AGMO: variants seen among roughly 807,000 people sequenced by gnomAD.
The protein encoded by AGMO is glyceryl-ether monooxygenase.
In AGMO, 75 loss-of-function variants were observed where a neutral mutation model predicts 60.2. That is an observed-to-expected ratio of 1.25 (90% confidence interval 1.03 to 1.51). The LOEUF is 1.51. Ranked by LOEUF, AGMO falls within the 40% of genes most tolerant of loss-of-function variation. The pLI is 0.00. For synonymous variants in AGMO, 261 were observed against 177.1 expected, an observed-to-expected ratio of 1.47 and a Z score of -3.76; for missense variants, 763 against 525.5, an observed-to-expected ratio of 1.45 and a Z score of -4.42.
chr7:15,189,150 T>C, the AGMO span, among the ~76,000 whole-genome samples: 1 of 152,014 alleles, frequency 6.6e-6, no homozygotes, highest in African/African-American at 2.4e-5. Context: ...AGAGGGGCAT[T>C]GGGGAAAATG....
chr7:15,247,446 A>G (rs1295051448), intron 12 of AGMO, among the ~76,000 whole-genome samples: 8 of 143,828 alleles, frequency 5.6e-5, no homozygotes, highest in African/African-American at 2.1e-4. Context: ...ACACACACAC[A>G]CACACACACA....
At chr7:15,505,178 T>C (rs1232656327) in intron 3 of AGMO, among the ~76,000 whole-genome samples, 1 of 151,954 alleles carries the variant, frequency 6.6e-6, no homozygotes, top group East Asian at 1.9e-4. Context: ...GATATACGAA[T>C]AGATGGAATT....
At chr7:15,354,408 ACACGTGTGTG>A in intron 12 of AGMO, among the ~76,000 whole-genome samples, 1 of 29,462 alleles carries the variant, frequency 3.4e-5, no homozygotes, top group African/African-American at 3.7e-4. Flanking sequence ...GTGTGTGTAC[ACACGTGTGTG>A]TATACACACA....
intron 12 of AGMO, among the ~76,000 whole-genome samples, chr7:15,309,859 A>G (rs1780719279): frequency 6.6e-6 from 1 of 152,160 alleles, no homozygotes; most frequent in Non-Finnish European, 1.5e-5. Context: ...TAAATATGTT[A>G]TCTATTGGAA....
chr7:15,333,298 C>G (rs1326092406), intron 12 of AGMO, among the ~76,000 whole-genome samples: 1 of 152,030 alleles, frequency 6.6e-6, no homozygotes, highest in African/African-American at 2.4e-5. Context: ...ATGAAAAAGG[C>G]TTCGTGTGTA....
chr7:15,468,499 GTAA>G (rs1327177102), intron 3 of AGMO, among the ~76,000 whole-genome samples: 1 of 151,852 alleles, frequency 6.6e-6, no homozygotes. Flanking sequence ...TTTTAAACAT[GTAA>G]TAATTATACA....
At chr7:15,179,475 C>T in the AGMO span, among the ~76,000 whole-genome samples, 2 of 152,122 alleles carry the variant, frequency 1.3e-5, no homozygotes, top group East Asian at 1.9e-4. Context: ...AAACCTAAAA[C>T]GGAAAGCAAT....
At chr7:15,248,222 A>ATATATATATATATATATCTATCTATC (rs1554401294) in intron 12 of AGMO, among the ~76,000 whole-genome samples, 1 of 104,210 alleles carries the variant, frequency 9.6e-6, no homozygotes, top group African/African-American at 3.6e-5. Flanking sequence ...ATATATATAT[A>ATATATATATATATATATCTATCTATC]TATCTTCATC....
At chr7:15,418,516 C>T in intron 5 of AGMO, 42 bp downstream of exon 5, 2 of 1,239,712 alleles carry the variant, frequency 1.6e-6, no homozygotes, top group Admixed American at 2.0e-5. Context: ...TTGCTTCAGG[C>T]TGTTTAGGTA....
intron 4 of AGMO, 94 bp downstream of exon 4, chr7:15,430,911 T>G: frequency 3.4e-6 from 2 of 588,568 alleles, no homozygotes; most frequent in Non-Finnish European, 5.3e-6. Context: ...TAAAACACCT[T>G]CTATTAGTTT....
At chr7:15,292,535 CA>C (rs1370735022) in intron 12 of AGMO, among the ~76,000 whole-genome samples, 1 of 151,944 alleles carries the variant, frequency 6.6e-6, no homozygotes, top group Non-Finnish European at 1.5e-5. Context: ...ATAGTGAGTT[CA>C]ATTTTTAATA....
At chr7:15,182,244 T>C in the AGMO span, among the ~76,000 whole-genome samples, 1 of 152,024 alleles carries the variant, frequency 6.6e-6, no homozygotes, top group Non-Finnish European at 1.5e-5. Flanking sequence ...AGGATTTCAG[T>C]TTAGGAAAAT....
At chr7:15,286,724 T>C (rs1784110785) in intron 12 of AGMO, among the ~76,000 whole-genome samples, 1 of 152,154 alleles carries the variant, frequency 6.6e-6, no homozygotes, top group South Asian at 2.1e-4. Flanking sequence ...CACTACTGGG[T>C]ATCTCTCCAA....
chr7:15,142,051 C>T, the AGMO span, among the ~76,000 whole-genome samples: 3 of 152,104 alleles, frequency 2.0e-5, no homozygotes, highest in African/African-American at 4.8e-5. Flanking sequence ...AGGTATTCAT[C>T]GAGCTCTAAT....
rs186409582 is a variant in AGMO at position 15,340,565 on chromosome 7, C to T, written c.1263+24949G>A. Among the ~76,000 whole-genome samples, 25 of 152,284 alleles carry T rather than the reference C, an allele frequency of 1.6e-4. No homozygotes were observed. The East Asian group carries it at 4.3e-3, about 26-fold the overall frequency. On this transcript the variant is annotated intron_variant, in intron 12 of 12. Transcript: ENST00000342526. ...CACTTGGTGCCCTGTGTCCCAGCCA[C>T]TCCAGCTGTGGCTAAAAGGGGCCAA... is the stretch of plus-strand genomic sequence containing the variant.
intron 12 of AGMO, among the ~76,000 whole-genome samples, chr7:15,362,811 T>C (rs1453372942): frequency 6.6e-6 from 1 of 152,250 alleles, no homozygotes; most frequent in East Asian, 1.9e-4. Flanking sequence ...CATTTTACTA[T>C]AGCTCTTTAC....
chr7:15,394,368 A>C (rs1289104251), intron 5 of AGMO, among the ~76,000 whole-genome samples, 189 bp from the exon 6 acceptor site: 3 of 152,144 alleles, frequency 2.0e-5, no homozygotes, highest in Non-Finnish European at 4.4e-5. Context: ...TCAAAACTCT[A>C]TTCTGAGACG....
intron 3 of AGMO, among the ~76,000 whole-genome samples, chr7:15,493,945 T>C (rs969179940): frequency 2.6e-5 from 4 of 152,164 alleles, no homozygotes; most frequent in Non-Finnish European, 5.9e-5. Context: ...ACTGATCACA[T>C]CAGGATAAGT....
chr7:15,178,139 G>T, the AGMO span, among the ~76,000 whole-genome samples: 1 of 152,058 alleles, frequency 6.6e-6, no homozygotes, highest in African/African-American at 2.4e-5. Flanking sequence ...TGGGGGAGTG[G>T]AATATACTGT....
Sources: allele counts gnomAD v4.1 joint callset (sites outside exome capture counted in the v4.1 genomes callset), GRCh38; gene constraint gnomAD v4.1.1; transcripts MANE v1.5; gene names NCBI Gene and HGNC (gene_info 2026-07-23, HGNC 2026-07-21).